RBM48: variants seen among roughly 807,000 people sequenced by gnomAD.
RBM48 encodes the protein RNA binding motif protein 48.
In RBM48, 32 loss-of-function variants were observed where a neutral mutation model predicts 34.8. The ratio of observed to expected loss-of-function variants is 0.92; its 90% confidence interval spans 0.69 to 1.23. The LOEUF (loss-of-function observed/expected upper bound fraction) is 1.23. RBM48 is among the 50% of genes most tolerant of loss of function. RBM48 has a pLI of 0.00. For synonymous variants in RBM48, 151 were observed against 156.2 expected (o/e 0.97, Z 0.25); for missense variants, 441 against 447.2 (o/e 0.99, Z 0.12).
rs1403944499 is a variant in RBM48, at chr7:92,539,605, A to G, written c.*2668A>G. Among the ~76,000 whole-genome samples the G allele has an allele frequency of 2.0e-5, 3 of 152,192 alleles. No homozygotes were observed. Among genetic ancestry groups the G allele is most frequent in the South Asian group, 2.1e-4 (1 of 4,828 alleles). Reference sequence around the variant, plus strand: ...TCCCAGCTACTCGGGAGGCTGAGGCATGAGAATTACTTGAACCCAGGAGGC... The same window carrying G: ...TCCCAGCTACTCGGGAGGCTGAGGCGTGAGAATTACTTGAACCCAGGAGGC... On this transcript the variant is annotated 3_prime_UTR_variant, in exon 5 of 5. Coordinates refer to ENST00000265732, the MANE Select transcript of RBM48 (RefSeq NM_032120.4).
Position 92,537,335 on chromosome 7 carries a change from C to G in RBM48, c.*398C>G, listed in dbSNP as rs1375107353. The G allele has an allele frequency of 2.6e-5, 4 of 154,022 alleles. No individual in the cohort carries two copies. The highest frequency in any genetic ancestry group is 9.7e-5 in the African/African-American group (4 of 41,444). 9.5% of individuals were successfully genotyped at this position (154,022 alleles called of 1,614,324 possible). A position where few individuals can be genotyped will look rare whatever the true frequency, so the allele number is the denominator to read the frequency against. On this transcript the variant is annotated 3_prime_UTR_variant, in exon 5 of 5. Coordinates refer to ENST00000265732, the MANE Select transcript of RBM48 (RefSeq NM_032120.4). ...TCCTGACCTTGTGATACACCTGCCT[C>G]AGCCTCCCAAAGGGATGAGCCACCG...
At chr7:92,535,376 AAAATGCTT>A in intron 4 of RBM48, 1 of 1,069,660 alleles carries the variant, frequency 9.3e-7, no homozygotes, top group Non-Finnish European at 1.1e-6. Context: ...TATCAAATTC[AAAATGCTT>A]AATTTGCTTT....
In RBM48 at chr7:92,532,513, C is replaced by T. The variant is rs369445901; in HGVS notation, c.412C>T (p.Arg138Trp). 31 of 1,612,508 alleles carry T rather than the reference C, an allele frequency of 1.9e-5. No homozygotes were observed. In the East Asian group the frequency reaches 2.5e-4, roughly 13 times the overall value. ...AGAAACTAGAAAAAAACTACAAATG[C>T]GGAAGGCATATGTAGTAAAAACTAC... ...VEETRKKLQM[R>W]KAYVVKTTEN... The change falls in exon 3 of 5, where the codon CGG (arginine) becomes TGG (tryptophan). Residue 138 changes from arginine to tryptophan, a missense_variant. Physicochemically the swap from Arg to Trp is moderately radical, Grantham distance 101 (BLOSUM62 -3). Coordinates refer to ENST00000265732, the MANE Select transcript of RBM48 (RefSeq NM_032120.4).
chr7:92,530,413 T>G (rs1252870855), intron 2 of RBM48, among the ~76,000 whole-genome samples: 1 of 151,608 alleles, frequency 6.6e-6, no homozygotes, highest in Non-Finnish European at 1.5e-5. Context: ...GGGAATTGCT[T>G]GAACCTGGGA....
At position 92,538,189 on chromosome 7, in the gene RBM48, C is replaced by G. The variant is rs924630035; in HGVS notation, c.*1252C>G. On this transcript the variant is annotated 3_prime_UTR_variant, in exon 5 of 5. Transcript: ENST00000265732. ...AGAAGAGGCTTTATTCGGCCAGGAG[C>G]GTCGGCAGACTTGTGTCTCAAGAAC... Among the ~76,000 whole-genome samples the G allele has an allele frequency of 6.6e-6, 1 of 152,144 alleles. No individual in the cohort carries two copies. The highest frequency in any genetic ancestry group is 1.9e-4 in the East Asian group (1 of 5,204).
At position 92,539,844 on chromosome 7, in the gene RBM48, C is replaced by G. The variant is rs1000317139; in HGVS notation, c.*2907C>G. ...GTCAGATGCATACATGAAAAACCTT[C>G]ATAAGCACAAAGTACTCTATGTCTC... On this transcript the variant is annotated 3_prime_UTR_variant, in exon 5 of 5. Transcript: ENST00000265732. 6.6e-6 allele frequency among the ~76,000 whole-genome samples: 1 copy of G among 152,228 alleles called. No homozygotes were observed. Among genetic ancestry groups the G allele is most frequent in the African/African-American group, 2.4e-5 (1 of 41,468 alleles).
At chr7:92,531,687 G>T (rs1201341960) in intron 2 of RBM48, among the ~76,000 whole-genome samples, 1 of 152,184 alleles carries the variant, frequency 6.6e-6, no homozygotes, top group Admixed American at 6.5e-5. Flanking sequence ...AAGACATCTG[G>T]ATTTGAATCC....
chr7:92,534,841 T>C lies in RBM48; in HGVS notation c.888T>C (p.Thr296=). Residue 296 remains threonine (T), a synonymous_variant, in exon 4 of 5, where the codon ACT becomes ACC. Transcript: ENST00000265732. ...GAGAAGATGATCGTAAACTTGGAAC[T>C]TTTCTTCAAACAAACCCAACTGGTA... ...RRREDDRKLG[T]FLQTNPTGNE... is the part of the protein sequence containing the mutation. The C allele has an allele frequency of 6.2e-7, 1 of 1,614,184 alleles. No individual in the cohort carries two copies. Among genetic ancestry groups the C allele is most frequent in the Non-Finnish European group, 8.5e-7 (1 of 1,180,026 alleles).
rs1793744220 is a variant in RBM48, at chr7:92,537,337, G to C, written c.*400G>C. On this transcript the variant is annotated 3_prime_UTR_variant, in exon 5 of 5. Coordinates refer to ENST00000265732, the MANE Select transcript of RBM48 (RefSeq NM_032120.4). The stretch of plus-strand genomic sequence containing the variant: ...CTGACCTTGTGATACACCTGCCTCA[G>C]CCTCCCAAAGGGATGAGCCACCGCG... 1 of 153,730 alleles carries C rather than the reference G, an allele frequency of 6.5e-6. No homozygotes were observed. The highest frequency in any genetic ancestry group is 2.4e-5 in the African/African-American group (1 of 41,426). 9.5% of individuals were successfully genotyped at this position (153,730 alleles called of 1,614,324 possible).
rs1793749983 is a variant in RBM48, at chr7:92,537,483, T to C, written c.*546T>C. 6.6e-6 allele frequency: 1 copy of C among 152,218 alleles called. No homozygotes were observed. The highest frequency in any genetic ancestry group is 1.5e-5 in the Non-Finnish European group (1 of 68,036). 9.4% of individuals were successfully genotyped at this position (152,218 alleles called of 1,614,324 possible). A position where few individuals can be genotyped will look rare whatever the true frequency, so the allele number is the denominator to read the frequency against. On this transcript the variant is annotated 3_prime_UTR_variant, in exon 5 of 5. Transcript: ENST00000265732. ...TTAATTGAAGCAAATATGGAAACTT[T>C]ACAATAGAAATAAAGATAGGCAGCC...
chr7:92,534,847 T>C lies in RBM48; in HGVS notation c.894T>C (p.Leu298=). ...ATGATCGTAAACTTGGAACTTTTCT[T>C]CAAACAAACCCAACTGGTAATGAGA... The part of the protein sequence containing the change: ...REDDRKLGTF[L]QTNPTGNEIM... Residue 298 remains leucine, a synonymous_variant, in exon 4 of 5, where the codon CTT becomes CTC. Coordinates refer to ENST00000265732, the MANE Select transcript of RBM48 (RefSeq NM_032120.4). 6.2e-7 allele frequency: 1 copy of C among 1,614,200 alleles called. No homozygotes were observed. Among genetic ancestry groups the C allele is most frequent in the Non-Finnish European group, 8.5e-7 (1 of 1,180,034 alleles).
At chr7:92,536,245 A>AAGAT in intron 4 of RBM48, 1 of 984,426 alleles carries the variant, frequency 1.0e-6, no homozygotes, top group Non-Finnish European at 1.2e-6. Context: ...TTACATTTTC[A>AAGAT]AGATAAACGT....
At chr7:92,531,212 T>C (rs1793567240) in intron 2 of RBM48, among the ~76,000 whole-genome samples, 1 of 152,260 alleles carries the variant, frequency 6.6e-6, no homozygotes, top group South Asian at 2.1e-4. Context: ...AAGGGACCTA[T>C]CTACTTCTTG....
rs1343082345 is a variant in RBM48 at position 92,529,509 on chromosome 7, T to C, written c.145T>C (p.Leu49=). Residue 49 remains leucine (L), a synonymous_variant, in exon 2 of 5, where the codon TTA becomes CTA. Coordinates refer to ENST00000265732, the MANE Select transcript of RBM48 (RefSeq NM_032120.4). Reference sequence around the variant, plus strand: ...AATCAATTTGGAATCTCAGTACTTATTAATACAAGGAGTTCCTGCTGTGGG... The same window carrying C: ...AATCAATTTGGAATCTCAGTACTTACTAATACAAGGAGTTCCTGCTGTGGG... ...YTINLESQYL[L]IQGVPAVGVM... is the part of the protein sequence containing the mutation. 8 of 1,608,378 alleles carry C rather than the reference T, an allele frequency of 5.0e-6. No homozygotes were observed. The highest frequency in any genetic ancestry group is 1.6e-4 in the Middle Eastern group (1 of 6,078).
At position 92,539,951 on chromosome 7, in the gene RBM48, T is replaced by C. The variant is rs1218859472; in HGVS notation, c.*3014T>C. On this transcript the variant is annotated 3_prime_UTR_variant, in exon 5 of 5. Coordinates refer to ENST00000265732, the MANE Select transcript of RBM48 (RefSeq NM_032120.4). ...GTTTGTGGTGTACTTGCTGAAACTC[T>C]ATTCAGTGTTCTATCCCTTAAGCAA... Among the ~76,000 whole-genome samples, 1 of 152,246 alleles carries C rather than the reference T, an allele frequency of 6.6e-6. No homozygotes were observed. Among genetic ancestry groups the C allele is most frequent in the Non-Finnish European group, 1.5e-5 (1 of 68,042 alleles).
intron 3 of RBM48, 83 bp downstream of exon 3, chr7:92,532,632 TAGG>T: frequency 1.0e-6 from 1 of 975,548 alleles, no homozygotes; most frequent in South Asian, 1.6e-5. Context: ...AGTCTAGTGG[TAGG>T]AGAGGCAAGT....
intron 3 of RBM48, among the ~76,000 whole-genome samples, chr7:92,533,390 G>A (rs1458599829): frequency 6.6e-6 from 1 of 152,178 alleles, no homozygotes; most frequent in Non-Finnish European, 1.5e-5. Flanking sequence ...CAGAAAGTTT[G>A]TGACCTGCCT....
chr7:92,532,610 C>G, intron 3 of RBM48, 61 bp downstream of exon 3: 4 of 1,222,658 alleles, frequency 3.3e-6, no homozygotes, highest in Non-Finnish European at 4.7e-6. Flanking sequence ...GGTGTGTCAT[C>G]ATGCAATTCC....
chr7:92,533,982 A>C (rs551607112), intron 3 of RBM48, among the ~76,000 whole-genome samples: 58 of 152,116 alleles, frequency 3.8e-4, no homozygotes, highest in African/African-American at 1.3e-3. Context: ...AAAAAAAAAA[A>C]AAAAAAACCT....
Sources: gnomAD v4.1 joint callset for allele counts (sites outside exome capture counted in the v4.1 genomes callset) on GRCh38, gnomAD v4.1.1 for gene constraint, MANE v1.5 for transcripts, NCBI Gene and HGNC (gene_info 2026-07-23, HGNC 2026-07-21) for gene names.